The following MACROD2 variants were observed in gnomAD, a reference collection of about 807,000 sequenced individuals.
MACROD2 encodes the protein ADP-ribose glycohydrolase MACROD2.
A neutral mutation model predicts 70.4 loss-of-function variants in MACROD2; 36 were observed. The ratio of observed to expected loss-of-function variants is 0.51; its 90% CI spans 0.39 to 0.68. The LOEUF (loss-of-function observed/expected upper bound fraction) is 0.68, where lower values mean the gene tolerates loss of function less well. Ranked by LOEUF, MACROD2 falls within the 30% of genes least tolerant of loss-of-function variation. The pLI, the probability that MACROD2 is intolerant of heterozygous loss-of-function variation, is 0.00. For missense variants in MACROD2, 496 were observed against 538.4 expected (o/e 0.92, Z 0.78); for synonymous variants, 172 against 178.8 (o/e 0.96, Z 0.30).
At chr20:14,514,303 A>G (rs2085065589) in intron 4 of MACROD2, among the ~76,000 whole-genome samples, 1 of 152,128 alleles carries the variant, frequency 6.6e-6, no homozygotes, top group African/African-American at 2.4e-5. Context: ...TCTTGCATCT[A>G]AGTGGAGGCT....
intron 8 of MACROD2, among the ~76,000 whole-genome samples, chr20:15,819,250 A>ATTTATATATATAAAAATATAT: frequency 1.7e-5 from 2 of 114,542 alleles, no homozygotes; most frequent in Non-Finnish European, 4.0e-5. Context: ...AACATATATA[A>ATTTATATATATAAAAATATAT]ATATTTACAT....
At chr20:15,144,568 C>T (rs1033105654) in intron 5 of MACROD2, among the ~76,000 whole-genome samples, 16 of 152,060 alleles carry the variant, frequency 1.1e-4, no homozygotes, top group African/African-American at 1.9e-4. Flanking sequence ...ATACTTTCCC[C>T]ATCAACATTA....
chr20:14,646,953 C>T (rs1475998823), intron 4 of MACROD2, among the ~76,000 whole-genome samples: 1 of 152,022 alleles, frequency 6.6e-6, no homozygotes, highest in Non-Finnish European at 1.5e-5. Flanking sequence ...TTGTTGTTAG[C>T]TGAGAGGTGG....
At chr20:15,920,911 T>C (rs6043618) in intron 10 of MACROD2, among the ~76,000 whole-genome samples, 21,979 of 152,212 alleles carry the variant, frequency 0.14, 1,722 homozygotes, top group South Asian at 0.28. Context: ...CGCACCTCCG[T>C]CCAACCACTC....
At chr20:15,903,759 T>C (rs907218562) in intron 10 of MACROD2, among the ~76,000 whole-genome samples, 1 of 152,224 alleles carries the variant, frequency 6.6e-6, no homozygotes, top group Non-Finnish European at 1.5e-5. Context: ...CTCTAACTTA[T>C]ATTTTAAAAG....
At chr20:14,768,459 C>A (rs1048012900) in intron 5 of MACROD2, among the ~76,000 whole-genome samples, 1 of 152,070 alleles carries the variant, frequency 6.6e-6, no homozygotes, top group Admixed American at 6.5e-5. Flanking sequence ...ATCTTAAAGA[C>A]CCAGCCAGAT....
chr20:14,145,166 C>T (rs1000343954), intron 3 of MACROD2, among the ~76,000 whole-genome samples: 13 of 152,122 alleles, frequency 8.5e-5, no homozygotes, highest in Non-Finnish European at 1.6e-4. Flanking sequence ...TGTCCCTCTG[C>T]GCTAGGCTTA....
chr20:14,574,407 T>C (rs191179701), intron 4 of MACROD2, among the ~76,000 whole-genome samples: 23 of 152,220 alleles, frequency 1.5e-4, no homozygotes, highest in Admixed American at 1.2e-3. Context: ...ATTCATCTAA[T>C]ATATGCTAAG....
chr20:14,466,620 G>C (rs1050185529), intron 3 of MACROD2, among the ~76,000 whole-genome samples: 2 of 152,094 alleles, frequency 1.3e-5, no homozygotes, highest in Non-Finnish European at 2.9e-5. Flanking sequence ...CTGATTTTTA[G>C]AGTTTCCGGT....
intron 6 of MACROD2, among the ~76,000 whole-genome samples, chr20:15,392,595 A>T (rs1189702133): frequency 5.9e-5 from 9 of 152,126 alleles, no homozygotes. Context: ...AGGAAGATTC[A>T]GAGATATTAA....
intron 3 of MACROD2, among the ~76,000 whole-genome samples, chr20:14,441,143 A>G (rs1451322687): frequency 6.6e-6 from 1 of 152,202 alleles, no homozygotes; most frequent in African/African-American, 2.4e-5. Context: ...AGAATGTGAT[A>G]GAAGTAATTT....
chr20:14,275,322 C>T (rs531192436), intron 3 of MACROD2, among the ~76,000 whole-genome samples: 104 of 152,110 alleles, frequency 6.8e-4, no homozygotes, highest in African/African-American at 6.3e-4. Context: ...TCAGAAATAA[C>T]GTCGCATATC....
intron 8 of MACROD2, among the ~76,000 whole-genome samples, chr20:15,521,925 C>T (rs6110652): frequency 0.014 from 2,177 of 152,234 alleles, 63 homozygotes; most frequent in African/African-American, 0.049. Flanking sequence ...TTTTAACTGG[C>T]GTTGTCTTCA....
chr20:15,855,139 C>A (rs2064342692), intron 8 of MACROD2, among the ~76,000 whole-genome samples: 1 of 152,216 alleles, frequency 6.6e-6, no homozygotes, highest in African/African-American at 2.4e-5. Flanking sequence ...TCACTGAACA[C>A]AGGATAATCT....
At chr20:14,563,169 T>C (rs1420771057) in intron 4 of MACROD2, among the ~76,000 whole-genome samples, 1 of 151,806 alleles carries the variant, frequency 6.6e-6, no homozygotes, top group Admixed American at 6.6e-5. Context: ...CCCCAGGTTG[T>C]TCCCTCCTCC....
intron 5 of MACROD2, among the ~76,000 whole-genome samples, chr20:14,907,384 G>A (rs2073971870): frequency 6.6e-6 from 1 of 152,146 alleles, no homozygotes; most frequent in Non-Finnish European, 1.5e-5. Context: ...TCACCAGCTT[G>A]CCCTTGAATT....
chr20:15,871,960 C>A (rs1439512107), intron 9 of MACROD2, among the ~76,000 whole-genome samples: 1 of 152,162 alleles, frequency 6.6e-6, no homozygotes, highest in African/African-American at 2.4e-5. Flanking sequence ...GATTCATCAT[C>A]TGCTTTTATT....
At chr20:15,347,558 A>ATT (rs1322652881) in intron 6 of MACROD2, among the ~76,000 whole-genome samples, 4 of 152,048 alleles carry the variant, frequency 2.6e-5, no homozygotes, top group Admixed American at 2.6e-4. Flanking sequence ...ACACATCATC[A>ATT]TTTCCTTTTA....
chr20:14,059,331 A>C (rs2053666517), intron 2 of MACROD2, among the ~76,000 whole-genome samples: 1 of 152,184 alleles, frequency 6.6e-6, no homozygotes, highest in Non-Finnish European at 1.5e-5. Flanking sequence ...TCACTCAAAA[A>C]TTTATTGAGC....
Sources: gnomAD v4.1 joint callset for allele counts (sites outside exome capture counted in the v4.1 genomes callset) on GRCh38, gnomAD v4.1.1 for gene constraint, MANE v1.5 for transcripts, NCBI Gene and HGNC (gene_info 2026-07-23, HGNC 2026-07-21) for gene names.